The following MINAR2 variants were observed in gnomAD, a reference collection of about 807,000 sequenced individuals.
MINAR2 encodes major intrinsically disordered NOTCH2-binding receptor 1-like.
MINAR2 carries 21 observed loss-of-function variants against 16.1 expected under a neutral mutation model. That is an observed-to-expected ratio of 1.31 (90% CI 0.93 to 1.88). The LOEUF (loss-of-function observed/expected upper bound fraction) is 1.88. MINAR2 is among the 40% of genes most tolerant of loss of function. The pLI is 0.00. For synonymous variants in MINAR2, 86 were observed against 83.0 expected (o/e 1.04, Z -0.20); for missense variants, 259 against 229.8 (o/e 1.13, Z -0.82).
chr5:129,753,612 A>G (rs941622635), intron 1 of MINAR2, among the ~76,000 whole-genome samples: 2 of 151,284 alleles, frequency 1.3e-5, no homozygotes, highest in African/African-American at 4.9e-5. Flanking sequence ...AATTAGCTGG[A>G]CTTGCTGGCG....
rs1188926672 is a variant in MINAR2 at position 129,760,506 on chromosome 5, T to C, written c.294T>C (p.Ser98=). The C allele has an allele frequency of 6.5e-7, 1 of 1,535,560 alleles. No individual in the cohort carries two copies. Among genetic ancestry groups the C allele is most frequent in the East Asian group, 2.4e-5 (1 of 40,916 alleles). ...ATAACCCACTCTATGGTGACCTAAG[T>C]TTGGAGGAAGCTATGGAAGAAAGAA... ...MKNNPLYGDL[S]LEEAMEERKK... The change falls in exon 2 of 3, where the codon AGT becomes AGC. Residue 98 remains serine, a synonymous_variant. Transcript: ENST00000564719.
intron 1 of MINAR2, among the ~76,000 whole-genome samples, chr5:129,759,352 T>C (rs1048212676): frequency 6.6e-6 from 1 of 152,156 alleles, no homozygotes; most frequent in Admixed American, 6.6e-5. Context: ...CCTCTCTTGA[T>C]GTCCCATGAC....
intron 2 of MINAR2, among the ~76,000 whole-genome samples, chr5:129,761,565 T>C (rs1206265032): frequency 1.3e-5 from 2 of 152,190 alleles, no homozygotes; most frequent in African/African-American, 4.8e-5. Context: ...ATTGAATGTA[T>C]CTCCTCCTTT....
Position 129,757,872 on chromosome 5 carries a change from TTCTG to T in MINAR2, c.166-2502_166-2499del, listed in dbSNP as rs570622300. ...ACACACATTTATCAGTTTTTTTGCTTTCTGTCTTTCTTTCTCTCTCATATTTCTC... is the reference window on the plus strand; with the variant it reads ...ACACACATTTATCAGTTTTTTTGCTTTCTTTCTTTCTCTCTCATATTTCTC... On this transcript the variant is annotated intron_variant, in intron 1 of 2. Coordinates refer to ENST00000564719, the MANE Select transcript of MINAR2 (RefSeq NM_001257308.2). 4.3e-4 allele frequency among the ~76,000 whole-genome samples: 66 copies of T among 152,052 alleles called. 1 individual carries two copies. The highest frequency in any genetic ancestry group is 1.1e-3 in the African/African-American group (46 of 41,568).
At chr5:129,762,309 A>G (rs940008073) in intron 2 of MINAR2, among the ~76,000 whole-genome samples, 1 of 152,222 alleles carries the variant, frequency 6.6e-6, no homozygotes, top group Non-Finnish European at 1.5e-5. Context: ...ACATTTGCCA[A>G]TACTGGTTAC....
At chr5:129,759,003 A>T (rs1758090995) in intron 1 of MINAR2, among the ~76,000 whole-genome samples, 1 of 152,058 alleles carries the variant, frequency 6.6e-6, no homozygotes, top group South Asian at 2.1e-4. Context: ...GCATGGATTA[A>T]GAAAATTAGG....
chr5:129,751,010 C>T (rs981794428), intron 1 of MINAR2, among the ~76,000 whole-genome samples: 5 of 152,320 alleles, frequency 3.3e-5, no homozygotes, highest in Admixed American at 6.5e-5. Flanking sequence ...ACTTAACCTG[C>T]AGTCATTACC....
chr5:129,757,892 C>T (rs1167586489), intron 1 of MINAR2, among the ~76,000 whole-genome samples: 1 of 151,856 alleles, frequency 6.6e-6, no homozygotes, highest in Non-Finnish European at 1.5e-5. Flanking sequence ...CTTTCTCTCT[C>T]ATATTTCTCT....
chr5:129,758,724 T>A (rs377754552), intron 1 of MINAR2, among the ~76,000 whole-genome samples: 3 of 152,008 alleles, frequency 2.0e-5, no homozygotes, highest in East Asian at 3.9e-4. Flanking sequence ...TCAGAGATGA[T>A]CAAAGATGCC....
At chr5:129,763,943 C>T (rs887001902) in intron 2 of MINAR2, among the ~76,000 whole-genome samples, 2 of 152,024 alleles carry the variant, frequency 1.3e-5, no homozygotes, top group African/African-American at 4.8e-5. Context: ...CCACTGTAAG[C>T]CATTACAATA....
At chr5:129,760,825 G>A (rs941000448) in intron 2 of MINAR2, among the ~76,000 whole-genome samples, 1 of 152,182 alleles carries the variant, frequency 6.6e-6, no homozygotes, top group African/African-American at 2.4e-5. Context: ...CAACTGTACA[G>A]TGTAGAGAAG....
intron 1 of MINAR2, among the ~76,000 whole-genome samples, chr5:129,759,771 T>C (rs1171179767): frequency 1.3e-5 from 2 of 152,012 alleles, no homozygotes; most frequent in Non-Finnish European, 2.9e-5. Flanking sequence ...ATGAATATTA[T>C]GCTTCAATTT....
rs182114262 is a variant in MINAR2, at chr5:129,760,539, C to A, written c.327C>A (p.Asn109Lys). 3 of 1,535,654 alleles carry A rather than the reference C, an allele frequency of 2.0e-6. No homozygotes were observed. The highest frequency in any genetic ancestry group is 2.0e-5 in the Admixed American group (1 of 50,970). ...AAGCTATGGAAGAAAGAAAAAAGAA[C>A]CCCTCATGGACCATTGAGGAATATG... ...LEEAMEERKK[N>K]PSWTIEEYDK... Residue 109 changes from asparagine (N) to lysine (K), a missense_variant, in exon 2 of 3, where the codon AAC becomes AAA. Transcript: ENST00000564719.
chr5:129,757,558 G>A (rs1373124666), intron 1 of MINAR2, among the ~76,000 whole-genome samples: 2 of 151,626 alleles, frequency 1.3e-5, no homozygotes, highest in African/African-American at 4.8e-5. Context: ...TTGTTTTTCT[G>A]TTTCTGAGAT....
chr5:129,748,317 C>T lies in MINAR2; in HGVS notation c.127C>T (p.Pro43Ser). ...SLVRFPGGNY[P>S]AAQHWQNLVY... is the part of the protein sequence containing the mutation. ...GGTGAGGTTTCCGGGTGGAAATTAT[C>T]CTGCTGCACAACACTGGCAAAACCT... is the stretch of plus-strand genomic sequence containing the variant. The change falls in exon 1 of 3, where the codon CCT (proline) becomes TCT (serine). Residue 43 changes from proline to serine, a missense_variant. Coordinates refer to ENST00000564719, the MANE Select transcript of MINAR2 (RefSeq NM_001257308.2). 1 of 1,535,208 alleles carries T rather than the reference C, an allele frequency of 6.5e-7. No individual in the cohort carries two copies. The highest frequency in any genetic ancestry group is 8.7e-7 in the Non-Finnish European group (1 of 1,146,548).
intron 2 of MINAR2, chr5:129,762,528 G>A (rs957799687): frequency 9.5e-6 from 3 of 315,462 alleles, no homozygotes; most frequent in East Asian, 9.6e-5. Flanking sequence ...TTCATTCTCC[G>A]TCCTAGGAAA....
chr5:129,751,130 A>G (rs993080766), intron 1 of MINAR2, among the ~76,000 whole-genome samples: 3 of 152,222 alleles, frequency 2.0e-5, no homozygotes, highest in Non-Finnish European at 4.4e-5. Flanking sequence ...TTATCATCTA[A>G]CTTTTAAAAT....
intron 1 of MINAR2, among the ~76,000 whole-genome samples, chr5:129,755,662 C>T (rs1758045876): frequency 6.6e-6 from 1 of 152,014 alleles, no homozygotes; most frequent in South Asian, 2.1e-4. Context: ...CTTGTCAAGT[C>T]CCCTTTACAT....
At chr5:129,763,629 G>A (rs1267450375) in intron 2 of MINAR2, among the ~76,000 whole-genome samples, 1 of 152,180 alleles carries the variant, frequency 6.6e-6, no homozygotes, top group Non-Finnish European at 1.5e-5. Flanking sequence ...GCATGAGGTA[G>A]ATGAGGATTT....
Sources: gnomAD v4.1 joint callset for allele counts (sites outside exome capture counted in the v4.1 genomes callset) on GRCh38, gnomAD v4.1.1 for gene constraint, MANE v1.5 for transcripts, NCBI Gene and HGNC (gene_info 2026-07-23, HGNC 2026-07-21) for gene names.